Variants in MAST4 observed in about 807,000 individuals in gnomAD.
MAST4 encodes microtubule-associated serine/threonine-protein kinase 4.
A neutral mutation model predicts 162.7 loss-of-function variants in MAST4; 89 were observed. The ratio of observed to expected loss-of-function variants is 0.55; its 90% confidence interval spans 0.46 to 0.65. The LOEUF is 0.65. Ranked by LOEUF, MAST4 falls within the 30% of genes least tolerant of loss-of-function variation. MAST4 has a pLI of 0.00. For missense variants in MAST4, 3,153 were observed against 3,374.0 expected, an observed-to-expected ratio of 0.93 and a Z score of 1.62; for synonymous variants, 1,479 against 1,361.1, an observed-to-expected ratio of 1.09 and a Z score of -1.91.
At chr5:66,718,957 T>G (rs747893880) in intron 1 of MAST4, among the ~76,000 whole-genome samples, 20 of 152,248 alleles carry the variant, frequency 1.3e-4, no homozygotes, top group Non-Finnish European at 2.6e-4. Flanking sequence ...GTAACTTCCC[T>G]CTTCTTTGGT....
intron 5 of MAST4, among the ~76,000 whole-genome samples, chr5:67,087,551 G>T (rs1763377890): frequency 6.6e-6 from 1 of 152,132 alleles, no homozygotes; most frequent in East Asian, 1.9e-4. Context: ...GGTTGTTTCT[G>T]ACTCCTTCCT....
At chr5:66,854,807 GCTGCCCT>G (rs1759557139) in intron 3 of MAST4, among the ~76,000 whole-genome samples, 1 of 152,098 alleles carries the variant, frequency 6.6e-6, no homozygotes, top group African/African-American at 2.4e-5. Context: ...CATTGTAAAT[GCTGCCCT>G]ATCAGTTAGA....
intron 5 of MAST4, among the ~76,000 whole-genome samples, chr5:67,069,830 G>T (rs1760717284): frequency 6.6e-6 from 1 of 151,742 alleles, no homozygotes; most frequent in African/African-American, 2.4e-5. Context: ...TTACCAGAGT[G>T]ACCGGCCAGT....
In MAST4 at chr5:67,164,892, C is replaced by T. The variant is rs769848403; in HGVS notation, c.5713C>T (p.Pro1905Ser). The change falls in exon 29 of 29, where the codon CCT (proline) becomes TCT (serine). Residue 1905 changes from proline (P) to serine (S), a missense_variant. This residue lies in a region of MAST4 where 1,644 missense variants were observed against 1,495.0 expected (regional missense o/e 1.10). Coordinates refer to ENST00000403625, the MANE Select transcript of MAST4 (RefSeq NM_001164664.2). The surrounding 1 kb of genome is among the most constrained non-coding windows in gnomAD (Gnocchi z 5.3). ...EFKRDRKGPH[P>S]TARSPGTVME... ...CAAGAGGGACAGGAAAGGTCCCCAT[C>T]CTACTGCCAGGAGCCCTGGAACAGT... is the stretch of plus-strand genomic sequence containing the variant. 1 of 1,614,032 alleles carries T rather than the reference C, an allele frequency of 6.2e-7. No homozygotes were observed. The highest frequency in any genetic ancestry group is 1.7e-5 in the Admixed American group (1 of 60,026).
chr5:67,071,404 C>G (rs561071147), intron 5 of MAST4, among the ~76,000 whole-genome samples: 1 of 152,024 alleles, frequency 6.6e-6, no homozygotes, highest in Non-Finnish European at 1.5e-5. Context: ...ATCATATATT[C>G]AAGAACACAC....
chr5:66,939,776 A>C (rs552449009), intron 4 of MAST4, among the ~76,000 whole-genome samples: 2 of 152,226 alleles, frequency 1.3e-5, no homozygotes, highest in South Asian at 2.1e-4. Context: ...CCACTGCCGT[A>C]AAGTGACTGC....
chr5:66,933,282 G>T (rs1440538253), intron 4 of MAST4, among the ~76,000 whole-genome samples: 1 of 152,042 alleles, frequency 6.6e-6, no homozygotes, highest in Non-Finnish European at 1.5e-5. Context: ...TTCATAATTT[G>T]ACTCACTGGA....
intron 1 of MAST4, among the ~76,000 whole-genome samples, chr5:66,612,127 A>G (rs891178476): frequency 5.3e-5 from 8 of 152,194 alleles, no homozygotes; most frequent in African/African-American, 1.7e-4. Context: ...GGCTGGAGCT[A>G]TATCTCTGGC....
chr5:66,815,307 C>T (rs184501486), intron 3 of MAST4, among the ~76,000 whole-genome samples: 1 of 152,280 alleles, frequency 6.6e-6, no homozygotes, highest in East Asian at 1.9e-4. Context: ...CATATTCCCC[C>T]CTTATCTGAG....
At position 66,748,591 on chromosome 5, in the gene MAST4, C is replaced by A. The variant is rs188541657; in HGVS notation, c.364-11118C>A. On this transcript the variant is annotated intron_variant, in intron 1 of 28. Transcript: ENST00000403625. ...GCAACCACTGCCTCTCGGGTTCAAG[C>A]AGTTCTCCTGCCTCAGCCTCCCAAG... 1.3e-3 allele frequency among the ~76,000 whole-genome samples: 193 copies of A among 151,456 alleles called. 1 individual carries two copies. Among genetic ancestry groups the A allele is most frequent in the African/African-American group, 4.6e-3 (188 of 41,182 alleles).
At chr5:66,843,055 A>T (rs1467236373) in intron 3 of MAST4, among the ~76,000 whole-genome samples, 2 of 152,146 alleles carry the variant, frequency 1.3e-5, no homozygotes, top group African/African-American at 4.8e-5. Flanking sequence ...TTACATATAC[A>T]CCTTTGCCAA....
intron 4 of MAST4, among the ~76,000 whole-genome samples, chr5:67,009,298 G>T (rs1752400011): frequency 6.6e-6 from 1 of 152,226 alleles, no homozygotes; most frequent in African/African-American, 2.4e-5. Context: ...TGACGAAAGT[G>T]AAGAACAGAG....
intron 3 of MAST4, among the ~76,000 whole-genome samples, chr5:66,872,603 C>T (rs1761021251): frequency 6.6e-6 from 1 of 152,192 alleles, no homozygotes; most frequent in Non-Finnish European, 1.5e-5. Context: ...CCGCAGACAA[C>T]TCACTTTAGC....
At chr5:66,720,557 C>G (rs987368299) in intron 1 of MAST4, among the ~76,000 whole-genome samples, 3 of 152,084 alleles carry the variant, frequency 2.0e-5, no homozygotes, top group Admixed American at 2.0e-4. Flanking sequence ...CTCTTTGGCT[C>G]TATCCATCTT....
intron 4 of MAST4, chr5:66,902,761 G>A: frequency 2.2e-6 from 1 of 456,436 alleles, no homozygotes; most frequent in Non-Finnish European, 4.5e-6. Flanking sequence ...CTTTTCCAGA[G>A]GCATTCCAGC....
intron 3 of MAST4, among the ~76,000 whole-genome samples, chr5:66,888,635 A>G (rs925616960): frequency 2.6e-5 from 4 of 152,222 alleles, no homozygotes; most frequent in African/African-American, 9.6e-5. Flanking sequence ...TCATAAAAGA[A>G]TATTGATTCT....
intron 3 of MAST4, among the ~76,000 whole-genome samples, chr5:66,896,321 G>T (rs1204708492): frequency 6.6e-6 from 1 of 152,170 alleles, no homozygotes; most frequent in East Asian, 1.9e-4. Context: ...CATATCAGAG[G>T]ATAGCAGCAT....
At chr5:66,799,091 T>A (rs1288496862) in intron 3 of MAST4, among the ~76,000 whole-genome samples, 1 of 152,196 alleles carries the variant, frequency 6.6e-6, no homozygotes, top group Non-Finnish European at 1.5e-5. Flanking sequence ...TTGAGGTTTC[T>A]CATCTTTATG....
At chr5:66,633,966 C>A (rs575017824) in intron 1 of MAST4, among the ~76,000 whole-genome samples, 4 of 152,194 alleles carry the variant, frequency 2.6e-5, no homozygotes, top group Non-Finnish European at 5.9e-5. Flanking sequence ...TACACAGCTG[C>A]CTCATTATGA....
Sources: allele counts gnomAD v4.1 joint callset (sites outside exome capture counted in the v4.1 genomes callset), GRCh38; gene constraint gnomAD v4.1.1; regional missense constraint gnomAD v4.1.1; non-coding constraint Gnocchi (gnomAD v3.1); transcripts MANE v1.5; gene names NCBI Gene and HGNC (gene_info 2026-07-23, HGNC 2026-07-21).